WRN: variants seen among roughly 807,000 people sequenced by gnomAD.
WRN encodes the protein bifunctional 3'-5' exonuclease/ATP-dependent helicase WRN.
In WRN, 149 loss-of-function variants were observed where a neutral mutation model predicts 180.7. The ratio of observed to expected loss-of-function variants is 0.82; its 90% CI spans 0.72 to 0.94. The LOEUF (loss-of-function observed/expected upper bound fraction) is 0.94, where lower values mean the gene tolerates loss of function less well. Among genes scored for constraint, WRN ranks in the 40% least tolerant of loss-of-function variants. The pLI is 0.00. For missense variants in WRN, 1,661 were observed against 1,700.1 expected, an observed-to-expected ratio of 0.98 and a Z score of 0.40; for synonymous variants, 548 against 568.9, an observed-to-expected ratio of 0.96 and a Z score of 0.52.
rs11574205 is a variant in WRN at position 31,067,317 on chromosome 8, C to A, written c.654+135C>A. On this transcript the variant is annotated intron_variant, in intron 6 of 34. Coordinates refer to ENST00000298139, the MANE Select transcript of WRN (RefSeq NM_000553.6). ...TATATCAATTTGGCATTGAAAAATG[C>A]TTAGGAAGACATTTAGTGAAACTAT... 12,327 of 1,018,718 alleles carry A rather than the reference C, an allele frequency of 0.012. 104 individuals are homozygous for A. The highest frequency in any genetic ancestry group is 0.015 in the Admixed American group (669 of 44,402). The allele number at this position is 1,018,718 out of a possible 1,614,324, so 63.1% of individuals were successfully genotyped here. A position where few individuals can be genotyped will look rare whatever the true frequency, so the allele number is the denominator to read the frequency against.
chr8:31,061,317 A>G (rs1812476705), intron 3 of WRN, among the ~76,000 whole-genome samples: 1 of 151,902 alleles, frequency 6.6e-6, no homozygotes, highest in Admixed American at 6.6e-5. Flanking sequence ...TTATCTCTAG[A>G]AGTCCCATTT....
At position 31,100,366 on chromosome 8, in the gene WRN, C is replaced by A. The variant is rs1814175298; in HGVS notation, c.1982-483C>A. On this transcript the variant is annotated intron_variant, in intron 17 of 34. Transcript: ENST00000298139. ...TAGAAAATGTGGCTGTCCTCCTGTG[C>A]TCTAGTACTGGCATTTCAGAGGACT... Among the ~76,000 whole-genome samples the A allele has an allele frequency of 2.0e-5, 3 of 152,304 alleles. 1 individual carries two copies. The South Asian group carries it at 6.2e-4, about 32-fold the overall frequency.
intron 24 of WRN, among the ~76,000 whole-genome samples, chr8:31,133,605 T>G (rs1802272439): frequency 6.6e-6 from 1 of 152,182 alleles, no homozygotes; most frequent in South Asian, 2.1e-4. Context: ...CTTCTGTTGA[T>G]TTTTCATGTA....
intron 17 of WRN, among the ~76,000 whole-genome samples, chr8:31,099,187 A>G (rs1180340595): frequency 6.6e-6 from 1 of 152,104 alleles, no homozygotes; most frequent in Non-Finnish European, 1.5e-5. Flanking sequence ...TCATGAGGTC[A>G]GGAGATCGAG....
chr8:31,036,890 T>C (rs146054676), intron 1 of WRN, among the ~76,000 whole-genome samples: 88 of 152,296 alleles, frequency 5.8e-4, no homozygotes, highest in African/African-American at 2.0e-3. Context: ...TTGCTTTTGT[T>C]ACCTTTGCTT....
In WRN at chr8:31,167,142, A is replaced by C. The variant is rs770921190; in HGVS notation, c.4103A>C (p.Asp1368Ala). ...GACAGCGGACTTCAACCTTCATGTG[A>C]TGTCAACAAAAGGAGATGTTTTCCC... ...GPDSGLQPSCDVNKRRCFPGS... is the reference protein window; with the variant it reads ...GPDSGLQPSCAVNKRRCFPGS... The change falls in exon 34 of 35, where the codon GAT (aspartate) becomes GCT (alanine). Residue 1368 changes from aspartate (D) to alanine (A), a missense_variant. Asp to Ala is a moderately radical substitution (Grantham distance 126). Coordinates refer to ENST00000298139, the MANE Select transcript of WRN (RefSeq NM_000553.6). 6.2e-7 allele frequency: 1 copy of C among 1,613,252 alleles called. No homozygotes were observed. The highest frequency in any genetic ancestry group is 8.5e-7 in the Non-Finnish European group (1 of 1,179,526).
At chr8:31,109,498 A>AT (rs1419869307) in intron 18 of WRN, among the ~76,000 whole-genome samples, 8 of 151,614 alleles carry the variant, frequency 5.3e-5, no homozygotes, top group Admixed American at 1.3e-4. Flanking sequence ...TCTCCATCTC[A>AT]TTTTTTTTGC....
chr8:31,151,694 G>A (rs1585529350), intron 31 of WRN, among the ~76,000 whole-genome samples: 1 of 152,114 alleles, frequency 6.6e-6, no homozygotes, highest in East Asian at 1.9e-4. Flanking sequence ...CTTCAGAAGA[G>A]GAAAATGAAG....
At chr8:31,070,448 C>A (rs1812868914) in intron 7 of WRN, among the ~76,000 whole-genome samples, 1 of 151,438 alleles carries the variant, frequency 6.6e-6, no homozygotes, top group African/African-American at 2.4e-5. Flanking sequence ...TAGCTAAAAA[C>A]ACCAAATGAT....
At chr8:31,137,148 T>G (rs1802431893) in intron 24 of WRN, among the ~76,000 whole-genome samples, 1 of 151,988 alleles carries the variant, frequency 6.6e-6, no homozygotes, top group South Asian at 2.1e-4. Context: ...TACTCTGCTT[T>G]AAAGCAAAGG....
At chr8:31,163,089 GGT>G (rs11574386) in intron 33 of WRN, among the ~76,000 whole-genome samples, 1 of 151,938 alleles carries the variant, frequency 6.6e-6, no homozygotes, top group Admixed American at 6.6e-5. Flanking sequence ...GTTGTAATGG[GGT>G]GTGTGTGTGT....
At chr8:31,129,229 A>G (rs1802051627) in intron 23 of WRN, among the ~76,000 whole-genome samples, 1 of 152,154 alleles carries the variant, frequency 6.6e-6, no homozygotes, top group South Asian at 2.1e-4. Context: ...CAGTCCTCCT[A>G]CTTCAGCCTC....
In WRN at chr8:31,091,634, A is replaced by G. The variant is rs556069189; in HGVS notation, c.1830-196A>G. ...TGCCCTGAGCTTGCAGTCTCTTTCA[A>G]AGACCCACCTTAAAAACTTGCATTC... On this transcript the variant is annotated intron_variant, in intron 15 of 34. Coordinates refer to ENST00000298139, the MANE Select transcript of WRN (RefSeq NM_000553.6). 6.6e-4 allele frequency among the ~76,000 whole-genome samples: 101 copies of G among 152,210 alleles called. 1 individual carries two copies. The highest frequency in any genetic ancestry group is 2.2e-3 in the African/African-American group (91 of 41,560).
chr8:31,130,562 C>G (rs974732939), intron 23 of WRN, among the ~76,000 whole-genome samples: 2 of 149,782 alleles, frequency 1.3e-5, no homozygotes, highest in African/African-American at 4.9e-5. Context: ...GGTTTATAAT[C>G]TTTTTGTCAT....
At chr8:31,116,881 C>T (rs1801542960) in intron 20 of WRN, among the ~76,000 whole-genome samples, 1 of 152,108 alleles carries the variant, frequency 6.6e-6, no homozygotes, top group African/African-American at 2.4e-5. Context: ...GGAAGAAGGA[C>T]TAGCAGGTGC....
intron 3 of WRN, 88 bp from the exon 4 acceptor site, chr8:31,064,201 T>G: frequency 1.4e-6 from 2 of 1,479,490 alleles, no homozygotes; most frequent in East Asian, 4.7e-5. Context: ...AGTCTGTGGT[T>G]GCCTTTTAAT....
At chr8:31,066,348 T>A (rs1437314647) in intron 5 of WRN, among the ~76,000 whole-genome samples, 1 of 151,914 alleles carries the variant, frequency 6.6e-6, no homozygotes. Context: ...CACACCCAGC[T>A]AATTTTTTGT....
At chr8:31,163,045 C>A (rs1432245998) in intron 33 of WRN, among the ~76,000 whole-genome samples, 1 of 152,192 alleles carries the variant, frequency 6.6e-6, no homozygotes, top group East Asian at 1.9e-4. Flanking sequence ...CAAAATATAT[C>A]TTACAGAGGC....
chr8:31,143,763 T>C, intron 28 of WRN, 140 bp downstream of exon 28: 1 of 601,158 alleles, frequency 1.7e-6, no homozygotes, highest in Non-Finnish European at 2.9e-6. Context: ...AGTATTAGAA[T>C]GATCAAAGTG....
Sources: allele counts gnomAD v4.1 joint callset (sites outside exome capture counted in the v4.1 genomes callset), GRCh38; gene constraint gnomAD v4.1.1; transcripts MANE v1.5; gene names NCBI Gene and HGNC (gene_info 2026-07-23, HGNC 2026-07-21).